Variants in SRGAP1 observed in about 807,000 individuals in gnomAD.
The protein encoded by SRGAP1 is SLIT-ROBO Rho GTPase activating protein 1, also known as SLIT-ROBO Rho GTPase-activating protein 1.
Under a neutral mutation model 121.9 loss-of-function variants are expected in SRGAP1, and 43 were observed. That is an observed-to-expected ratio of 0.35 (90% CI 0.28 to 0.46). The LOEUF (loss-of-function observed/expected upper bound fraction) is 0.46, where lower values mean the gene tolerates loss of function less well. SRGAP1 is among the 20% of genes least tolerant of loss of function. SRGAP1 has a pLI of 1.00. For synonymous variants in SRGAP1, 447 were observed against 485.4 expected, an observed-to-expected ratio of 0.92 and a Z score of 1.04; for missense variants, 1,102 against 1,350.9, an observed-to-expected ratio of 0.82 and a Z score of 2.89.
rs554676665 is a variant in SRGAP1 at position 64,006,691 on chromosome 12, T to C, written c.427-10259T>C. On this transcript the variant is annotated intron_variant, in intron 3 of 21. Coordinates refer to ENST00000355086, the MANE Select transcript of SRGAP1 (RefSeq NM_020762.4). ...GATAATTTTTATCCTATCATGTGAG[T>C]TGTGGCCAGAGCATAACTCTATACT... Among the ~76,000 whole-genome samples the C allele has an allele frequency of 4.6e-5, 7 of 152,196 alleles. No individual in the cohort carries two copies. In the South Asian group the frequency reaches 1.5e-3, roughly 32 times the overall value.
chr12:63,916,654 G>A (rs1472487032), intron 1 of SRGAP1, among the ~76,000 whole-genome samples: 1 of 38,828 alleles, frequency 2.6e-5, no homozygotes, highest in Non-Finnish European at 8.3e-5. Flanking sequence ...GGGAAATGAC[G>A]GGGAACATTT....
chr12:64,050,087 T>C (rs763869553), intron 6 of SRGAP1, among the ~76,000 whole-genome samples: 2 of 152,198 alleles, frequency 1.3e-5, no homozygotes, highest in African/African-American at 2.4e-5. Context: ...ATAGTTTTTA[T>C]TGTAGAGATC....
In SRGAP1 at chr12:63,905,252, A is replaced by G. The variant is rs145302399; in HGVS notation, c.67+60369A>G. 4.6e-5 allele frequency among the ~76,000 whole-genome samples: 7 copies of G among 152,318 alleles called. No individual in the cohort carries two copies. In the East Asian group the frequency reaches 1.3e-3, roughly 29 times the overall value. ...TTCTGAGGCATGTTGTGTTCAGTTA[A>G]AAAACAAAATGTTATGATCATTTAT... is the stretch of plus-strand genomic sequence containing the variant. On this transcript the variant is annotated intron_variant, in intron 1 of 21. Coordinates refer to ENST00000355086, the MANE Select transcript of SRGAP1 (RefSeq NM_020762.4).
At chr12:63,995,812 A>G (rs2033681306) in intron 3 of SRGAP1, among the ~76,000 whole-genome samples, 1 of 152,138 alleles carries the variant, frequency 6.6e-6, no homozygotes, top group South Asian at 2.1e-4. Flanking sequence ...GTTACTAGTA[A>G]GATTCATACT....
chr12:64,024,456 G>T (rs2034611831), intron 4 of SRGAP1, among the ~76,000 whole-genome samples: 1 of 152,068 alleles, frequency 6.6e-6, no homozygotes, highest in African/African-American at 2.4e-5. Flanking sequence ...AAAAGAAAAA[G>T]AAAAAGAAAA....
chr12:63,918,710 C>G (rs2030904255), intron 1 of SRGAP1, among the ~76,000 whole-genome samples: 1 of 152,238 alleles, frequency 6.6e-6, no homozygotes, highest in Non-Finnish European at 1.5e-5. Context: ...AGCCGTTGCA[C>G]CAGCCAGTGC....
At chr12:63,957,828 G>A (rs948840461) in intron 1 of SRGAP1, among the ~76,000 whole-genome samples, 2 of 151,942 alleles carry the variant, frequency 1.3e-5, no homozygotes, top group Non-Finnish European at 2.9e-5. Context: ...CCCTTCCTTT[G>A]TGCATGATTT....
chr12:63,951,439 T>C (rs996253079), intron 1 of SRGAP1, among the ~76,000 whole-genome samples: 2 of 152,130 alleles, frequency 1.3e-5, no homozygotes, highest in African/African-American at 4.8e-5. Context: ...GCTGGAATTA[T>C]AGGCATAAGC....
intron 2 of SRGAP1, among the ~76,000 whole-genome samples, chr12:63,989,605 C>A (rs929926508): frequency 6.6e-6 from 1 of 152,218 alleles, no homozygotes; most frequent in African/African-American, 2.4e-5. Context: ...GCGTTTAAAG[C>A]TGAGGGCCTG....
At chr12:63,956,640 C>G (rs1486076825) in intron 1 of SRGAP1, among the ~76,000 whole-genome samples, 1 of 148,658 alleles carries the variant, frequency 6.7e-6, no homozygotes, top group African/African-American at 2.5e-5. Flanking sequence ...GTAAGGAGCT[C>G]TTATCATCTG....
intron 1 of SRGAP1, among the ~76,000 whole-genome samples, chr12:63,959,417 T>G (rs1347455042): frequency 6.6e-6 from 1 of 152,152 alleles, no homozygotes; most frequent in Non-Finnish European, 1.5e-5. Flanking sequence ...AAAATAGTTG[T>G]GAAGTCCAGT....
intron 1 of SRGAP1, among the ~76,000 whole-genome samples, chr12:63,881,627 A>G (rs1208967693): frequency 1.3e-5 from 2 of 152,248 alleles, no homozygotes; most frequent in African/African-American, 4.8e-5. Context: ...TAATTCAGGT[A>G]AAGCACCGAG....
rs115895577 is a variant in SRGAP1 at position 64,082,207 on chromosome 12, C to G, written c.1408+1837C>G. On this transcript the variant is annotated intron_variant, in intron 10 of 21. Coordinates refer to ENST00000355086, the MANE Select transcript of SRGAP1 (RefSeq NM_020762.4). ...GTAGTGGGGGAATTCATTCTTGGCACTGCTTGCAGACACATGTGTTAATAT... is the reference window on the plus strand; with the variant it reads ...GTAGTGGGGGAATTCATTCTTGGCAGTGCTTGCAGACACATGTGTTAATAT... Among the ~76,000 whole-genome samples the G allele has an allele frequency of 7.1e-3, 1,077 of 151,964 alleles. 7 individuals carry two copies. The highest frequency in any genetic ancestry group is 0.025 in the African/African-American group (1,034 of 41,438).
At chr12:63,925,438 T>C (rs903974439) in intron 1 of SRGAP1, among the ~76,000 whole-genome samples, 1 of 152,168 alleles carries the variant, frequency 6.6e-6, no homozygotes, top group Non-Finnish European at 1.5e-5. Flanking sequence ...AAAGCTTCAT[T>C]ATTAAAATTA....
chr12:64,142,162 T>G (rs3741608), intron 21 of SRGAP1, 133 bp from the exon 22 acceptor site: 196,425 of 853,310 alleles, frequency 0.23, 23,977 homozygotes, highest in Non-Finnish European at 0.25. Context: ...TGTTTACATA[T>G]TCTGCAGACT....
intron 8 of SRGAP1, among the ~76,000 whole-genome samples, chr12:64,071,912 T>C (rs2035644326): frequency 6.6e-6 from 1 of 152,038 alleles, no homozygotes; most frequent in South Asian, 2.1e-4. Flanking sequence ...CAAACATTGT[T>C]TTTTTCAAAT....
intron 1 of SRGAP1, among the ~76,000 whole-genome samples, chr12:63,928,057 G>A (rs142403892): frequency 7.6e-4 from 116 of 152,254 alleles, no homozygotes; most frequent in African/African-American, 2.7e-3. Context: ...ATATGCTGCT[G>A]TAGGAAAAAT....
intron 6 of SRGAP1, among the ~76,000 whole-genome samples, chr12:64,046,009 T>C (rs1350394724): frequency 1.3e-5 from 2 of 152,156 alleles, no homozygotes; most frequent in Non-Finnish European, 2.9e-5. Context: ...GTGGTTCTTT[T>C]GATGGGGTGT....
intron 1 of SRGAP1, among the ~76,000 whole-genome samples, chr12:63,914,864 T>C (rs1442168974): frequency 6.6e-6 from 1 of 152,210 alleles, no homozygotes; most frequent in Non-Finnish European, 1.5e-5. Context: ...AGAAGAGCTC[T>C]ATTTTGTAAT....
Sources: gnomAD v4.1 joint callset for allele counts (sites outside exome capture counted in the v4.1 genomes callset) on GRCh38, gnomAD v4.1.1 for gene constraint, MANE v1.5 for transcripts, NCBI Gene and HGNC (gene_info 2026-07-23, HGNC 2026-07-21) for gene names.